CCDC57: variants seen among roughly 807,000 people sequenced by gnomAD.
The protein encoded by CCDC57 is coiled-coil domain-containing protein 57.
Under a neutral mutation model 118.9 loss-of-function variants are expected in CCDC57, and 118 were observed. The ratio of observed to expected loss-of-function variants is 0.99; its 90% CI spans 0.86 to 1.16. The LOEUF (loss-of-function observed/expected upper bound fraction) is 1.16, where lower values mean the gene tolerates loss of function less well. Among genes scored for constraint, CCDC57 ranks in the 50% most tolerant of loss-of-function variants. CCDC57 has a pLI of 0.00. For synonymous variants in CCDC57, 527 were observed against 532.9 expected, an observed-to-expected ratio of 0.99 and a Z score of 0.15; for missense variants, 1,300 against 1,320.7, an observed-to-expected ratio of 0.98 and a Z score of 0.24.
rs753978634 is a variant in CCDC57, at chr17:82,157,773, G to A, written c.2216C>T (p.Ser739Leu). The change falls in exon 15 of 20, where the codon TCG becomes TTG. Residue 739 changes from serine to leucine, a missense_variant. Coordinates refer to ENST00000665763, the Ensembl canonical transcript of CCDC57. ...CTCTCTCCCAAGGGCCACGGCGTCC[G>A]AGGCTGGGGGCTGCTTCCTGCCTGA... is the stretch of plus-strand genomic sequence containing the variant. The A allele has an allele frequency of 9.4e-6, 15 of 1,603,520 alleles. No individual in the cohort carries two copies. The highest frequency in any genetic ancestry group is 2.7e-5 in the African/African-American group (2 of 74,852).
rs58366198 is a variant in CCDC57 at position 82,143,633 on chromosome 17, ATGAC to A, written c.2455+7923_2455+7926del. On this transcript the variant is annotated intron_variant, in intron 16 of 19. Transcript: ENST00000665763. The stretch of plus-strand genomic sequence containing the variant: ...GGAAGAAAGCAGTGTTTGAAAAACA[ATGAC>A]TGAGAATTTTAAAGAATAGAAAAAC... Among the ~76,000 whole-genome samples, 351 of 152,312 alleles carry A rather than the reference ATGAC, an allele frequency of 2.3e-3. 2 individuals carry two copies. Among genetic ancestry groups the A allele is most frequent in the African/African-American group, 8.0e-3 (331 of 41,564 alleles).
At chr17:82,198,670 T>TA (rs1422242229) in intron 3 of CCDC57, among the ~76,000 whole-genome samples, 44 of 150,554 alleles carry the variant, frequency 2.9e-4, no homozygotes, top group Middle Eastern at 3.4e-3. Flanking sequence ...CAGGATACAA[T>TA]TAAAAAAAAA....
chr17:82,212,391 TC>T lies in CCDC57; in HGVS notation c.-211+393del, dbSNP rs55877498. ...AACCACCGCCTCCGGCCTTTTTTTTTCCTCTCTTTTTTTTTTTTTTTTTTTA... is the reference window on the plus strand; with the variant it reads ...AACCACCGCCTCCGGCCTTTTTTTTTCTCTCTTTTTTTTTTTTTTTTTTTA... On this transcript the variant is annotated intron_variant, in intron 1 of 19. Coordinates refer to ENST00000665763, the Ensembl canonical transcript of CCDC57. This position sits in a 1 kb window ranked among gnomAD's most constrained non-coding sequence, Gnocchi z 4.1. 0.72 allele frequency among the ~76,000 whole-genome samples: 99,730 copies of T among 137,696 alleles called. 36,363 individuals carry two copies. Among genetic ancestry groups the T allele is most frequent in the East Asian group, 0.92 (4,209 of 4,598 alleles). The allele number at this position is 137,696 out of a possible 152,430, so 90.3% of individuals were successfully genotyped here.
chr17:82,202,643 G>A (rs1168889802), intron 2 of CCDC57, among the ~76,000 whole-genome samples: 2 of 152,066 alleles, frequency 1.3e-5, no homozygotes, highest in African/African-American at 2.4e-5. Flanking sequence ...TCAGCTACTC[G>A]GGAGGCTGAG....
chr17:82,117,169 G>T (rs368607550), intron 19 of CCDC57, among the ~76,000 whole-genome samples: 20 of 152,056 alleles, frequency 1.3e-4, no homozygotes, highest in East Asian at 3.9e-4. Context: ...GGGCTAACAT[G>T]GGGAAAACCC....
intron 16 of CCDC57, among the ~76,000 whole-genome samples, chr17:82,138,273 C>T (rs554454262): frequency 3.6e-4 from 55 of 151,390 alleles, no homozygotes; most frequent in African/African-American, 1.2e-3. Flanking sequence ...CTCAGCCTCC[C>T]GAGTAGCTGG....
chr17:82,127,600 C>G (rs537314276), intron 19 of CCDC57, 92 bp downstream of exon 18: 1 of 1,481,486 alleles, frequency 6.7e-7, no homozygotes, highest in Admixed American at 2.6e-5. Flanking sequence ...GCAGGAGGCA[C>G]GCAGGGTGCT....
At chr17:82,124,739 T>A (rs2037183060) in intron 19 of CCDC57, among the ~76,000 whole-genome samples, 1 of 151,508 alleles carries the variant, frequency 6.6e-6, no homozygotes, top group African/African-American at 2.4e-5. Context: ...AAGGCTGCAG[T>A]GAGCTGAGAT....
At chr17:82,143,599 G>A (rs1598863826) in intron 16 of CCDC57, among the ~76,000 whole-genome samples, 1 of 152,280 alleles carries the variant, frequency 6.6e-6, no homozygotes, top group East Asian at 1.9e-4. Flanking sequence ...GAAGAGATTA[G>A]ACAGAAATGG....
In CCDC57 at chr17:82,157,961, T is replaced by G; in HGVS notation, c.2041-13A>C. 6.5e-7 allele frequency: 1 copy of G among 1,548,712 alleles called. No homozygotes were observed. On this transcript the variant is annotated splice_polypyrimidine_tract_variant and intron_variant, in intron 14 of 19. Transcript: ENST00000665763. ...GTTCCCGCAGCACCTAGGGGTCATT[T>G]CAAAGGCAGTGTGAGGAATGAGGCA... is the stretch of plus-strand genomic sequence containing the variant.
chr17:82,150,152 GACC>G, intron 16 of CCDC57, among the ~76,000 whole-genome samples: 1 of 147,724 alleles, frequency 6.8e-6, no homozygotes, highest in Non-Finnish European at 1.5e-5. Context: ...CCCAGAACCT[GACC>G]CACACCCAGA....
rs1238305353 is a variant in CCDC57 at position 82,110,999 on chromosome 17, AAGAG to A, written c.2900-9137_2900-9134del. On this transcript the variant is annotated intron_variant, in intron 19 of 19. Coordinates refer to ENST00000665763, the Ensembl canonical transcript of CCDC57. ...AAAGAAAAAAAAAAAGAAAAGAAAA[AAGAG>A]CATATGTGCAGGAGTAGAAATAGAC... Among the ~76,000 whole-genome samples the A allele has an allele frequency of 2.0e-5, 3 of 151,910 alleles. No individual in the cohort carries two copies. In the East Asian group the frequency reaches 5.8e-4, roughly 29 times the overall value.
rs530737625 is a variant in CCDC57, at chr17:82,208,783, A to G, written c.-210-735T>C. Among the ~76,000 whole-genome samples, 2 of 152,082 alleles carry G rather than the reference A, an allele frequency of 1.3e-5. 1 individual carries two copies. The highest frequency in any genetic ancestry group is 3.9e-4 in the East Asian group (2 of 5,182). ...ACTCCTGGCCTCAAATGATCCTCTC[A>G]CCTTTAAATGTACTGAATTTAGCTC... On this transcript the variant is annotated intron_variant, in intron 1 of 19. Transcript: ENST00000665763.
intron 1 of CCDC57, among the ~76,000 whole-genome samples, chr17:82,211,010 G>GA (rs60817301): frequency 1.3e-4 from 16 of 126,326 alleles, no homozygotes; most frequent in Non-Finnish European, 2.0e-4. Flanking sequence ...AAAAAAAAAA[G>GA]AAAAAAAAAA....
At chr17:82,167,040 A>G (rs1224625504) in intron 13 of CCDC57, among the ~76,000 whole-genome samples, 4 of 152,202 alleles carry the variant, frequency 2.6e-5, no homozygotes, top group Non-Finnish European at 5.9e-5. Flanking sequence ...TGACAAAAGC[A>G]AGCACTGATA....
chr17:82,201,725 A>G (rs2049019975), exon 3 of CCDC57: 1 of 1,613,856 alleles, frequency 6.2e-7, no homozygotes, highest in Non-Finnish European at 8.5e-7. Flanking sequence ...GCGGCGTCAT[A>G]GCGCTCCAGC....
At chr17:82,126,329 TTACA>T (rs1168054596) in intron 19 of CCDC57, 9 of 835,884 alleles carry the variant, frequency 1.1e-5, no homozygotes, top group Non-Finnish European at 1.3e-5. Context: ...GGACATTAAA[TTACA>T]TAAAAATAAA....
At chr17:82,102,113 C>T (rs2144834999) in intron 19 of CCDC57, among the ~76,000 whole-genome samples, 1 of 152,324 alleles carries the variant, frequency 6.6e-6, no homozygotes, top group South Asian at 2.1e-4. Context: ...CTCCACTGGG[C>T]ACCTGGACAT....
exon 14 of CCDC57, chr17:82,163,332 G>A (rs376313881): frequency 2.0e-5 from 32 of 1,613,494 alleles, no homozygotes; most frequent in African/African-American, 2.7e-5. Context: ...CAGACCCTCC[G>A]GCTTGACCAG....
Sources: gnomAD v4.1 joint callset for allele counts (sites outside exome capture counted in the v4.1 genomes callset) on GRCh38, gnomAD v4.1.1 for gene constraint, Gnocchi (gnomAD v3.1) non-coding constraint, MANE v1.5 for transcripts, NCBI Gene and HGNC (gene_info 2026-07-23, HGNC 2026-07-21) for gene names.